The following FAS variants were observed in gnomAD, a reference collection of about 807,000 sequenced individuals.
FAS encodes the protein tumor necrosis factor receptor superfamily member 6.
In FAS, 5 loss-of-function variants were observed where a neutral mutation model predicts 33.2. The ratio of observed to expected loss-of-function variants is 0.15; its 90% CI spans 0.08 to 0.32. The LOEUF is 0.32. Among genes scored for constraint, FAS ranks in the 10% least tolerant of loss-of-function variants. The pLI is 1.00. For synonymous variants in FAS, 131 were observed against 130.7 expected (o/e 1.00, Z -0.01); for missense variants, 339 against 386.0 (o/e 0.88, Z 1.02).
intron 2 of FAS, among the ~76,000 whole-genome samples, chr10:89,005,628 T>TTTTG (rs1222756752): frequency 1.3e-5 from 2 of 152,022 alleles, no homozygotes; most frequent in East Asian, 1.9e-4. Context: ...ATATATAGTT[T>TTTTG]TTTGTTTGTT....
intron 1 of FAS, among the ~76,000 whole-genome samples, chr10:88,966,577 G>A (rs745788799): frequency 6.6e-6 from 1 of 152,172 alleles, no homozygotes; most frequent in Non-Finnish European, 1.5e-5. Flanking sequence ...AAGCAGAAGA[G>A]GTTGATAGTT....
intron 8 of FAS, among the ~76,000 whole-genome samples, chr10:89,013,845 C>T (rs987080626): frequency 1.3e-5 from 2 of 152,126 alleles, no homozygotes; most frequent in Non-Finnish European, 2.9e-5. Flanking sequence ...TATAGGTGAT[C>T]TTTTCCAATC....
Position 89,007,892 on chromosome 10 carries a change from C to A in FAS, c.334+55C>A, listed in dbSNP as rs1035238918. 21 of 1,609,606 alleles carry A rather than the reference C, an allele frequency of 1.3e-5. 1 individual carries two copies. The Admixed American group carries it at 3.3e-4, about 26-fold the overall frequency. ...GCCAATCTTGGAATTTCATGTAGAA[C>A]CATTTATAAGACAATTTGAAATTGG... On this transcript the variant is annotated intron_variant, in intron 3 of 8. Transcript: ENST00000652046.
chr10:88,970,366 A>G (rs1341601303), intron 1 of FAS, among the ~76,000 whole-genome samples: 1 of 151,994 alleles, frequency 6.6e-6, no homozygotes, highest in Non-Finnish European at 1.5e-5. Context: ...TTCCTTTTGA[A>G]TGCAGCAAAT....
rs573868391 is a variant in FAS at position 89,016,780 on chromosome 10, A to G, written c.*2330A>G. ...AGAAAAAAAGGCTATTTGCAGAAGG[A>G]GCTCACAGATCACATTGAAAGCATT... On this transcript the variant is annotated 3_prime_UTR_variant, in exon 9 of 9. Coordinates refer to ENST00000652046, the MANE Select transcript of FAS (RefSeq NM_000043.6). 2 of 221,242 alleles carry G rather than the reference A, an allele frequency of 9.0e-6. No homozygotes were observed. Among genetic ancestry groups the G allele is most frequent in the Non-Finnish European group, 9.0e-6 (1 of 110,522 alleles). 13.7% of individuals were successfully genotyped at this position (221,242 alleles called of 1,614,324 possible). A position where few individuals can be genotyped will look rare whatever the true frequency, so the allele number is the denominator to read the frequency against.
chr10:89,005,186 G>T (rs1426908161), intron 2 of FAS, among the ~76,000 whole-genome samples: 1 of 149,456 alleles, frequency 6.7e-6, no homozygotes, highest in Non-Finnish European at 1.5e-5. Context: ...AGGGAGGGAG[G>T]GAGGGAGGGA....
rs773644232 is a variant in FAS at position 89,015,304 on chromosome 10, C to T, written c.*854C>T. ...TAGTCCACCAAAAGGCAAGACTGCC[C>T]TTAGAAATTCTAGCCTGGTTTGGAG... On this transcript the variant is annotated 3_prime_UTR_variant, in exon 9 of 9. Coordinates refer to ENST00000652046, the MANE Select transcript of FAS (RefSeq NM_000043.6). 1 of 534,738 alleles carries T rather than the reference C, an allele frequency of 1.9e-6. No individual in the cohort carries two copies. Among genetic ancestry groups the T allele is most frequent in the South Asian group, 1.5e-5 (1 of 65,168 alleles). The allele number at this position is 534,738 out of a possible 1,614,324, so 33.1% of individuals were successfully genotyped here. A position where few individuals can be genotyped will look rare whatever the true frequency, so the allele number is the denominator to read the frequency against.
chr10:88,990,682 A>C (rs769961396), upstream of FAS: 5 of 711,822 alleles, frequency 7.0e-6, no homozygotes, highest in Admixed American at 8.0e-5. The surrounding 1 kb of genome is among the most constrained non-coding windows in gnomAD (Gnocchi z 4.9). Context: ...AGGTGTTCAA[A>C]GACGCTTCTG....
At chr10:88,978,593 C>T (rs184721789) in intron 2 of FAS, among the ~76,000 whole-genome samples, 2 of 152,096 alleles carry the variant, frequency 1.3e-5, no homozygotes, top group Admixed American at 1.3e-4. Flanking sequence ...AAGCCAATCT[C>T]AATGGAAAGA....
intron 2 of FAS, among the ~76,000 whole-genome samples, chr10:88,979,673 T>C (rs956997260): frequency 3.3e-5 from 5 of 152,120 alleles, no homozygotes; most frequent in Admixed American, 3.3e-4. Context: ...ATAAATGCCA[T>C]GGTTTTGATC....
chr10:89,009,698 T>C (rs9658757), intron 4 of FAS, among the ~76,000 whole-genome samples: 16,841 of 152,186 alleles, frequency 0.11, 1,207 homozygotes, highest in Non-Finnish European at 0.16. Context: ...CCTTATGTTT[T>C]ATTTGCTAGG....
intron 2 of FAS, 129 bp from the exon 3 acceptor site, chr10:89,007,571 A>G: frequency 9.3e-7 from 1 of 1,070,714 alleles, no homozygotes; most frequent in Non-Finnish European, 1.4e-6. Flanking sequence ...TTGTATTTAT[A>G]TCTCATTAGC....
intron 4 of FAS, among the ~76,000 whole-genome samples, chr10:89,010,129 G>A (rs9658761): frequency 1.1e-3 from 165 of 152,272 alleles, no homozygotes; most frequent in South Asian, 8.1e-3. Flanking sequence ...CATCATGGGC[G>A]TGGCTATCAC....
At chr10:88,976,922 T>G (rs1846577813) in intron 2 of FAS, among the ~76,000 whole-genome samples, 1 of 152,206 alleles carries the variant, frequency 6.6e-6, no homozygotes, top group Non-Finnish European at 1.5e-5. Flanking sequence ...GCATTGTGCT[T>G]GAGATCCTTA....
At chr10:89,007,588 C>A (rs1022615623) in intron 2 of FAS, 112 bp from the exon 3 acceptor site, 2 of 1,387,704 alleles carry the variant, frequency 1.4e-6, no homozygotes, top group Non-Finnish European at 2.0e-6. Context: ...TAGCCTACCC[C>A]CCCTCCCCTT....
At chr10:88,994,418 AAATAAAAT>A (rs1190818357) in intron 1 of FAS, among the ~76,000 whole-genome samples, 1 of 152,256 alleles carries the variant, frequency 6.6e-6, no homozygotes, top group Non-Finnish European at 1.5e-5. Flanking sequence ...TTATGATGAA[AAATAAAAT>A]AACACAATTT....
In FAS at chr10:89,015,674, C is replaced by T; in HGVS notation, c.*1224C>T. 4.1e-6 allele frequency: 2 copies of T among 492,178 alleles called. No homozygotes were observed. Among genetic ancestry groups the T allele is most frequent in the South Asian group, 1.8e-5 (1 of 54,656 alleles). 30.5% of individuals were successfully genotyped at this position (492,178 alleles called of 1,614,324 possible). A position where few individuals can be genotyped will look rare whatever the true frequency, so the allele number is the denominator to read the frequency against. On this transcript the variant is annotated 3_prime_UTR_variant, in exon 9 of 9. Coordinates refer to ENST00000652046, the MANE Select transcript of FAS (RefSeq NM_000043.6). ...CTGTGAAGATAGTTATAAACTGAAG[C>T]AGATACCTGGAACCACCTAAAGAAC...
chr10:88,993,404 A>G (rs1847388255), intron 1 of FAS, among the ~76,000 whole-genome samples: 2 of 152,100 alleles, frequency 1.3e-5, no homozygotes, highest in South Asian at 4.1e-4. Context: ...TTGCTAATTG[A>G]AGGGATGTGG....
intron 2 of FAS, 30 bp downstream of exon 2, chr10:89,003,224 A>G: frequency 1.2e-6 from 2 of 1,613,014 alleles, no homozygotes; most frequent in Non-Finnish European, 1.7e-6. Flanking sequence ...CAGAGATTAC[A>G]GTGAAAGTCA....
Sources: gnomAD v4.1 joint callset for allele counts (sites outside exome capture counted in the v4.1 genomes callset) on GRCh38, gnomAD v4.1.1 for gene constraint, Gnocchi (gnomAD v3.1) non-coding constraint, MANE v1.5 for transcripts, NCBI Gene and HGNC (gene_info 2026-07-23, HGNC 2026-07-21) for gene names.